MX2: variants seen among roughly 807,000 people sequenced by gnomAD.
MX2 encodes MX dynamin like GTPase 2, also known as interferon-induced GTP-binding protein Mx2.
In MX2, 51 loss-of-function variants were observed where a neutral mutation model predicts 74.0. The observed-to-expected ratio is 0.69, with a 90% confidence interval of 0.55 to 0.87. MX2 has a LOEUF of 0.87. Ranked by LOEUF, MX2 falls within the 40% of genes least tolerant of loss-of-function variation. The pLI is 0.00. For synonymous variants in MX2, 369 were observed against 339.3 expected (o/e 1.09, Z -0.96); for missense variants, 832 against 908.7 (o/e 0.92, Z 1.09).
rs2089823297 is a variant in MX2 at position 41,402,140 on chromosome 21, CA to C, written c.1573+14del. 4 of 1,608,764 alleles carry C rather than the reference CA, an allele frequency of 2.5e-6. No individual in the cohort carries two copies. Among genetic ancestry groups the C allele is most frequent in the Non-Finnish European group, 3.4e-6 (4 of 1,177,836 alleles). The stretch of plus-strand genomic sequence containing the variant: ...CCAGAAAGCCATGGGTGAGGACTTT[CA>C]AGCAGGACTCCCAAACCATCACTCT... On this transcript the variant is annotated intron_variant, in intron 11 of 13. Coordinates refer to ENST00000330714, the MANE Select transcript of MX2 (RefSeq NM_002463.2). This position sits in a 1 kb window ranked among gnomAD's most constrained non-coding sequence, Gnocchi z 4.5.
Position 41,380,162 on chromosome 21 carries a change from G to A in MX2, c.577+11G>A, listed in dbSNP as rs200139337. 113 of 1,613,550 alleles carry A rather than the reference G, an allele frequency of 7.0e-5. No homozygotes were observed. Among genetic ancestry groups the A allele is most frequent in the Admixed American group, 1.3e-4 (8 of 59,942 alleles). ...AAGAGATACACAAAGGTGGGCCCAC[G>A]TCATTCTGAGGTTCGGATCTGGCAG... On this transcript the variant is annotated intron_variant, in intron 4 of 13. Transcript: ENST00000330714. This position sits in a 1 kb window ranked among gnomAD's most constrained non-coding sequence, Gnocchi z 4.3.
chr21:41,386,566 C>T (rs1444199169), intron 5 of MX2, among the ~76,000 whole-genome samples: 1 of 152,220 alleles, frequency 6.6e-6, no homozygotes, highest in Non-Finnish European at 1.5e-5. Flanking sequence ...CCTTCCCACC[C>T]TCCTTGGCCC....
Position 41,380,137 on chromosome 21 carries a change from AAG to A in MX2, c.567_568del (p.Glu189AspfsTer18), listed in dbSNP as rs1270398738. On this transcript the variant is annotated frameshift_variant, in exon 4 of 14. Coordinates refer to ENST00000330714, the MANE Select transcript of MX2 (RefSeq NM_002463.2). LOFTEE classifies it high-confidence loss of function. The surrounding 1 kb of genome is among the most constrained non-coding windows in gnomAD (Gnocchi z 4.3). ...CTTCAGGACCCTGGCCAGGTGGAGA[AAG>A]AGATACACAAAGGTGGGCCCACGTC... The A allele has an allele frequency of 6.2e-7, 1 of 1,613,854 alleles. No homozygotes were observed. The highest frequency in any genetic ancestry group is 1.1e-5 in the South Asian group (1 of 91,078).
chr21:41,382,869 G>A (rs945079878), intron 5 of MX2, among the ~76,000 whole-genome samples: 21 of 152,198 alleles, frequency 1.4e-4, no homozygotes, highest in Non-Finnish European at 2.4e-4. Flanking sequence ...AGTCAAAAGC[G>A]GGCAGAAATT....
chr21:41,403,056 G>C, intron 11 of MX2: 1 of 530,950 alleles, frequency 1.9e-6, no homozygotes, highest in Non-Finnish European at 3.4e-6. Flanking sequence ...AAATGGACAG[G>C]ACCTGCCCAG....
Position 41,390,690 on chromosome 21 carries a change from G to A in MX2, c.858G>A (p.Gly286=). 6.2e-7 allele frequency: 1 copy of A among 1,614,080 alleles called. No homozygotes were observed. Among genetic ancestry groups the A allele is most frequent in the Middle Eastern group, 1.6e-4 (1 of 6,062 alleles). The change falls in exon 6 of 14, where the codon GGG becomes GGA. Residue 286 remains glycine, a synonymous_variant. Transcript: ENST00000330714. ...TGGCCCATGAGGTGGACCCGGAAGG[G>A]GACAGGACCATCGGTAAGAGGAAAG... is the stretch of plus-strand genomic sequence containing the variant. ...LSMAHEVDPE[G]DRTIGILTKP...
chr21:41,380,237 C>G lies in MX2; in HGVS notation c.577+86C>G, dbSNP rs912553404. The G allele has an allele frequency of 7.7e-6, 12 of 1,561,602 alleles. No homozygotes were observed. The highest frequency in any genetic ancestry group is 9.6e-6 in the Non-Finnish European group (11 of 1,147,014). ...CTTCTCCTCTTCCTCAAGTCACCCC[C>G]ACAGTGACCACTCAGCTCCTAGCCC... On this transcript the variant is annotated intron_variant, in intron 4 of 13. Transcript: ENST00000330714. The surrounding 1 kb of genome is among the most constrained non-coding windows in gnomAD (Gnocchi z 4.3).
At position 41,382,452 on chromosome 21, in the gene MX2, A is replaced by G; in HGVS notation, c.620A>G (p.Glu207Gly). The change falls in exon 5 of 14, where the codon GAG becomes GGG. Residue 207 changes from glutamate (E) to glycine (G), a missense_variant. By Grantham distance (98) the Glu-to-Gly change is moderately conservative. Coordinates refer to ENST00000330714, the MANE Select transcript of MX2 (RefSeq NM_002463.2). ...GGGAATGGCCGGGGCATCAGCCATG[A>G]GCTCATCAGCCTGGAGATCACCTCC... ...MAGNGRGISH[E>G]LISLEITSPE... The G allele has an allele frequency of 1.2e-6, 2 of 1,614,160 alleles. No individual in the cohort carries two copies. The highest frequency in any genetic ancestry group is 1.7e-6 in the Non-Finnish European group (2 of 1,180,032).
intron 10 of MX2, chr21:41,400,868 A>C (rs1381807190): frequency 6.6e-6 from 1 of 152,170 alleles, no homozygotes; most frequent in African/African-American, 2.4e-5. Flanking sequence ...CACCACACCC[A>C]GCTGATTTTT....
At position 41,402,195 on chromosome 21, in the gene MX2, G is replaced by T; in HGVS notation, c.1573+67G>T. The T allele has an allele frequency of 6.5e-7, 1 of 1,527,860 alleles. No individual in the cohort carries two copies. The highest frequency in any genetic ancestry group is 8.8e-7 in the Non-Finnish European group (1 of 1,134,584). The allele number at this position is 1,527,860 out of a possible 1,614,324, so 94.6% of individuals were successfully genotyped here. The stretch of plus-strand genomic sequence containing the variant: ...ACCTTCCATAGACCCCAGTGCCTTG[G>T]AGGGAGAGATTGGAATGGAGTTACC... On this transcript the variant is annotated intron_variant, in intron 11 of 13. Coordinates refer to ENST00000330714, the MANE Select transcript of MX2 (RefSeq NM_002463.2). This position sits in a 1 kb window ranked among gnomAD's most constrained non-coding sequence, Gnocchi z 4.5.
In MX2 at chr21:41,376,941, G is replaced by A; in HGVS notation, c.35G>A (p.Arg12Lys). 1 of 1,614,068 alleles carries A rather than the reference G, an allele frequency of 6.2e-7. No homozygotes were observed. ...SKAHKPWPYR[R>K]RSQFSSRKYL... ...GCCCACAAGCCTTGGCCCTACCGGA[G>A]GAGAAGTCAATTTTCTTCTCGAAAA... is the stretch of plus-strand genomic sequence containing the variant. The change falls in exon 2 of 14, where the codon AGG (arginine) becomes AAG (lysine). Residue 12 changes from arginine to lysine, a missense_variant. Physicochemically the swap from Arg to Lys is conservative, Grantham distance 26 (BLOSUM62 2). Transcript: ENST00000330714.
rs1242712054 is a variant in MX2, at chr21:41,408,553, T to G, written c.*320T>G. 3.5e-6 allele frequency: 1 copy of G among 289,100 alleles called. No individual in the cohort carries two copies. Among genetic ancestry groups the G allele is most frequent in the Non-Finnish European group, 6.5e-6 (1 of 154,494 alleles). 17.9% of individuals were successfully genotyped at this position (289,100 alleles called of 1,614,324 possible). Reference sequence around the variant, plus strand: ...GTATTCCCTTCCCCCTACAAGATTATGAGACCCCAGAGGGGGAAGGTCTGG... The same window carrying G: ...GTATTCCCTTCCCCCTACAAGATTAGGAGACCCCAGAGGGGGAAGGTCTGG... On this transcript the variant is annotated 3_prime_UTR_variant, in exon 14 of 14. Transcript: ENST00000330714.
At chr21:41,376,034 T>A (rs1204222279) in intron 1 of MX2, among the ~76,000 whole-genome samples, 18 of 152,242 alleles carry the variant, frequency 1.2e-4, no homozygotes, top group Non-Finnish European at 2.6e-4. Context: ...TGCCCTCATC[T>A]GAGTGCAGGC....
intron 1 of MX2, chr21:41,364,575 G>C (rs2145847956): frequency 6.6e-6 from 1 of 152,358 alleles, no homozygotes; most frequent in East Asian, 1.9e-4. Context: ...TACCTGTTAT[G>C]GGTTGAACTA....
At chr21:41,399,169 A>T (rs1162866327) in intron 9 of MX2, 27 bp from the exon 10 acceptor site, 3 of 1,609,696 alleles carry the variant, frequency 1.9e-6, no homozygotes, top group Non-Finnish European at 2.5e-6. Flanking sequence ...ATTTCCGCAA[A>T]GACTATTGAC....
chr21:41,382,427 G>A lies in MX2; in HGVS notation c.595G>A (p.Gly199Arg), dbSNP rs201747888. The stretch of plus-strand genomic sequence containing the variant: ...CTCCATAGCCCAGAACGTCATGGCC[G>A]GGAATGGCCGGGGCATCAGCCATGA... ...EIHKAQNVMA[G>R]NGRGISHELI... The change falls in exon 5 of 14, where the codon GGG (glycine) becomes AGG (arginine). Residue 199 changes from glycine (G) to arginine (R), a missense_variant. By Grantham distance (125) the Gly-to-Arg change is moderately radical (BLOSUM62 -2). Transcript: ENST00000330714. 109 of 1,614,090 alleles carry A rather than the reference G, an allele frequency of 6.8e-5. No individual in the cohort carries two copies. In the Admixed American group the frequency reaches 1.1e-3, roughly 16 times the overall value.
intron 1 of MX2, among the ~76,000 whole-genome samples, chr21:41,369,236 G>C (rs1325277469): frequency 6.6e-6 from 1 of 152,224 alleles, no homozygotes; most frequent in African/African-American, 2.4e-5. Flanking sequence ...AGCCAGGCTG[G>C]AGAACAGGAG....
chr21:41,398,813 A>C, intron 8 of MX2, 84 bp from the exon 9 acceptor site: 1 of 1,533,654 alleles, frequency 6.5e-7, no homozygotes, highest in Non-Finnish European at 8.8e-7. Context: ...TGGATGCTTT[A>C]AAGGGCTCCT....
rs1402998798 is a variant in MX2 at position 41,388,406 on chromosome 21, C to G, written c.733-2159C>G. 1.3e-5 allele frequency among the ~76,000 whole-genome samples: 2 copies of G among 152,216 alleles called. No homozygotes were observed. Among genetic ancestry groups the G allele is most frequent in the African/African-American group, 4.8e-5 (2 of 41,456 alleles). On this transcript the variant is annotated intron_variant, in intron 5 of 13. Transcript: ENST00000330714. This position sits in a 1 kb window ranked among gnomAD's most constrained non-coding sequence, Gnocchi z 4.0. ...TGCACGCTTCCCACTGCCCGGTGCT[C>G]TGCCCGCATGGCTCTCCGCAGAGGG...
Sources: allele counts gnomAD v4.1 joint callset (sites outside exome capture counted in the v4.1 genomes callset), GRCh38; gene constraint gnomAD v4.1.1; non-coding constraint Gnocchi (gnomAD v3.1); transcripts MANE v1.5; gene names NCBI Gene and HGNC (gene_info 2026-07-23, HGNC 2026-07-21).